Variants in KCNH5 observed in about 807,000 individuals in gnomAD.
KCNH5 encodes voltage-gated delayed rectifier potassium channel KCNH5.
A neutral mutation model predicts 96.1 loss-of-function variants in KCNH5; 46 were observed. The ratio of observed to expected loss-of-function variants is 0.48; its 90% CI spans 0.38 to 0.61. The LOEUF (loss-of-function observed/expected upper bound fraction) is 0.61. Among genes scored for constraint, KCNH5 ranks in the 20% least tolerant of loss-of-function variants. The pLI, the probability that KCNH5 is intolerant of heterozygous loss-of-function variation, is 0.00. For missense variants in KCNH5, 907 were observed against 1,225.8 expected (o/e 0.74, Z 3.88); for synonymous variants, 439 against 449.8 (o/e 0.98, Z 0.30).
At chr14:62,771,589 C>T (rs1885989303) in intron 10 of KCNH5, among the ~76,000 whole-genome samples, 1 of 152,152 alleles carries the variant, frequency 6.6e-6, no homozygotes, top group Non-Finnish European at 1.5e-5. Context: ...CGTGCCACTG[C>T]ACTCCAGCCT....
At chr14:62,892,402 A>G (rs1888728487) in intron 7 of KCNH5, among the ~76,000 whole-genome samples, 1 of 152,226 alleles carries the variant, frequency 6.6e-6, no homozygotes, top group Non-Finnish European at 1.5e-5. Flanking sequence ...GTTGCAAGCT[A>G]CCAGAGATTG....
chr14:62,776,846 G>A (rs756091387), intron 10 of KCNH5, among the ~76,000 whole-genome samples: 5 of 152,070 alleles, frequency 3.3e-5, no homozygotes, highest in Non-Finnish European at 5.9e-5. Flanking sequence ...GCTAAAGAAG[G>A]CTCACTTTCC....
intron 6 of KCNH5, among the ~76,000 whole-genome samples, chr14:62,952,291 G>A (rs1890022074): frequency 6.6e-6 from 1 of 151,808 alleles, no homozygotes. Flanking sequence ...CAGTTAAAAA[G>A]AGTAGAATTA....
chr14:62,963,675 G>A (rs911778011), intron 6 of KCNH5, among the ~76,000 whole-genome samples: 8 of 152,110 alleles, frequency 5.3e-5, no homozygotes, highest in African/African-American at 1.7e-4. Flanking sequence ...CCACATTGGG[G>A]AGAACAATCT....
rs71120241 is a variant in KCNH5, at chr14:62,908,782, A to ATTTTTTTT, written c.1369+41343_1369+41350dup. Among the ~76,000 whole-genome samples the ATTTTTTTT allele has an allele frequency of 3.3e-3, 78 of 23,718 alleles. 14 individuals carry two copies. Among genetic ancestry groups the ATTTTTTTT allele is most frequent in the East Asian group, 0.012 (7 of 596 alleles). The allele number at this position is 23,718 out of a possible 152,430, so 15.6% of individuals were successfully genotyped here. On this transcript the variant is annotated intron_variant, in intron 7 of 10. Transcript: ENST00000322893. ...TTGCCCTTTGTTGATTTTGCTTTGT[A>ATTTTTTTT]TTTTTTTTTTTTTTTTTTTTTTTTT...
intron 7 of KCNH5, among the ~76,000 whole-genome samples, chr14:62,937,135 C>T (rs1474202792): frequency 6.6e-6 from 1 of 152,108 alleles, no homozygotes; most frequent in Non-Finnish European, 1.5e-5. Context: ...GCCCACTGGA[C>T]ACAACAAATG....
Position 62,861,637 on chromosome 14 carries a change from T to TACACACACACAC in KCNH5, c.1370-11797_1370-11786dup, listed in dbSNP as rs142699720. Among the ~76,000 whole-genome samples, 337 of 141,910 alleles carry TACACACACACAC rather than the reference T, an allele frequency of 2.4e-3. 2 individuals are homozygous for TACACACACACAC. The highest frequency in any genetic ancestry group is 8.5e-3 in the African/African-American group (317 of 37,440). The allele number at this position is 141,910 out of a possible 152,430, so 93.1% of individuals were successfully genotyped here. On this transcript the variant is annotated intron_variant, in intron 7 of 10. Coordinates refer to ENST00000322893, the MANE Select transcript of KCNH5 (RefSeq NM_139318.5). The stretch of plus-strand genomic sequence containing the variant: ...CACATTTCCCCCCACCATCTCCATT[T>TACACACACACAC]ACACACACACACACACACACACACA...
rs562608584 is a variant in KCNH5, at chr14:62,967,266, G to A, written c.942+13606C>T. On this transcript the variant is annotated intron_variant, in intron 6 of 10. Transcript: ENST00000322893. ...AGGGAATTTTTTTTTCCTTTTTGTG[G>A]AGATGGGGTCCTAGTATGTTGCCCA... Among the ~76,000 whole-genome samples, 109 of 151,892 alleles carry A rather than the reference G, an allele frequency of 7.2e-4. 1 individual carries two copies. Among genetic ancestry groups the A allele is most frequent in the South Asian group, 1.5e-3 (7 of 4,810 alleles).
chr14:63,003,016 C>T (rs1215531036), intron 3 of KCNH5, among the ~76,000 whole-genome samples: 1 of 152,038 alleles, frequency 6.6e-6, no homozygotes. Context: ...ACACAGTAAG[C>T]TTGAGGCAGA....
chr14:62,887,530 G>C (rs1308886916), intron 7 of KCNH5, among the ~76,000 whole-genome samples: 3 of 152,170 alleles, frequency 2.0e-5, no homozygotes, highest in African/African-American at 7.2e-5. Context: ...TAGATCTGAA[G>C]TTAAACCACA....
chr14:62,736,008 G>A (rs1262732314), intron 10 of KCNH5, among the ~76,000 whole-genome samples: 1 of 152,230 alleles, frequency 6.6e-6, no homozygotes, highest in Non-Finnish European at 1.5e-5. Context: ...AGCTGTCAGA[G>A]AGACTATGGC....
intron 1 of KCNH5, among the ~76,000 whole-genome samples, chr14:63,031,493 G>A (rs758345950): frequency 1.3e-5 from 2 of 151,940 alleles, no homozygotes; most frequent in South Asian, 2.1e-4. Flanking sequence ...TGATTTCCTC[G>A]AGCTGCTCCA....
chr14:62,780,317 G>T (rs1302207616), intron 9 of KCNH5, among the ~76,000 whole-genome samples: 1 of 152,198 alleles, frequency 6.6e-6, no homozygotes, highest in Admixed American at 6.5e-5. Context: ...AGAAGGATCT[G>T]CTGTAACAGC....
At position 62,701,179 on chromosome 14, in the gene KCNH5, C is replaced by G. The variant is rs8012414; in HGVS notation, c.*6329G>C. The G allele has an allele frequency of 1.3e-5, 2 of 152,062 alleles. No individual in the cohort carries two copies. Among genetic ancestry groups the G allele is most frequent in the Non-Finnish European group, 2.9e-5 (2 of 67,994 alleles). The allele number at this position is 152,062 out of a possible 1,614,324, so 9.4% of individuals were successfully genotyped here. ...AGGGGATTGGGTTTGTAGGTCAGAACCAGAGGTTCTAAACTCATTGGTTGG... is the reference window on the plus strand; with the variant it reads ...AGGGGATTGGGTTTGTAGGTCAGAAGCAGAGGTTCTAAACTCATTGGTTGG... On this transcript the variant is annotated 3_prime_UTR_variant, in exon 11 of 11. Coordinates refer to ENST00000322893, the MANE Select transcript of KCNH5 (RefSeq NM_139318.5).
At chr14:62,771,346 G>A (rs113154818) in intron 10 of KCNH5, among the ~76,000 whole-genome samples, 4,319 of 152,226 alleles carry the variant, frequency 0.028, 164 homozygotes, top group East Asian at 0.097. Context: ...ATGAGTCTAG[G>A]CCAGGCGCGG....
intron 4 of KCNH5, among the ~76,000 whole-genome samples, chr14:62,991,897 A>C (rs1890815839): frequency 6.6e-6 from 1 of 152,030 alleles, no homozygotes; most frequent in South Asian, 2.1e-4. Context: ...CAATTGTATA[A>C]TGGTCAGGGC....
intron 7 of KCNH5, among the ~76,000 whole-genome samples, chr14:62,864,927 A>T (rs1888104959): frequency 6.6e-6 from 1 of 152,188 alleles, no homozygotes. Context: ...GGCACATGAG[A>T]GGCTGTTGCC....
intron 6 of KCNH5, among the ~76,000 whole-genome samples, chr14:62,968,405 C>T (rs1890343199): frequency 6.6e-6 from 1 of 152,210 alleles, no homozygotes; most frequent in Admixed American, 6.5e-5. Flanking sequence ...CAATACTTTG[C>T]ACTCCCAGTG....
At chr14:62,992,887 C>T (rs1890837060) in intron 4 of KCNH5, among the ~76,000 whole-genome samples, 1 of 151,914 alleles carries the variant, frequency 6.6e-6, no homozygotes, top group Non-Finnish European at 1.5e-5. Flanking sequence ...GAATTCTTTG[C>T]CTACACCAAT....
Sources: gnomAD v4.1 joint callset for allele counts (sites outside exome capture counted in the v4.1 genomes callset) on GRCh38, gnomAD v4.1.1 for gene constraint, MANE v1.5 for transcripts, NCBI Gene and HGNC (gene_info 2026-07-23, HGNC 2026-07-21) for gene names.